Variants in TANC1 observed in about 807,000 individuals in gnomAD.
TANC1 encodes the protein protein TANC1.
TANC1 carries 77 observed loss-of-function variants against 149.7 expected under a neutral mutation model. That is an observed-to-expected ratio of 0.51 (90% CI 0.43 to 0.62). The LOEUF (loss-of-function observed/expected upper bound fraction) is 0.62. Among genes scored for constraint, TANC1 ranks in the 20% least tolerant of loss-of-function variants. The pLI is 0.00. For synonymous variants in TANC1, 854 were observed against 925.0 expected (o/e 0.92, Z 1.39); for missense variants, 1,985 against 2,321.8 (o/e 0.85, Z 2.98).
chr2:159,076,846 CG>C (rs1013767788), intron 3 of TANC1, among the ~76,000 whole-genome samples: 1 of 152,082 alleles, frequency 6.6e-6, no homozygotes, highest in Admixed American at 6.6e-5. Context: ...ACTATGTCTC[CG>C]GCTGTCTTCC....
chr2:159,219,505 A>C (rs2059554491), intron 21 of TANC1, 144 bp downstream of exon 21: 1 of 1,314,112 alleles, frequency 7.6e-7, no homozygotes, highest in Non-Finnish European at 1.1e-6. Context: ...TAGGCAACAC[A>C]GCCACATGCC....
At chr2:159,062,536 T>C (rs2042305865) in intron 2 of TANC1, among the ~76,000 whole-genome samples, 1 of 152,226 alleles carries the variant, frequency 6.6e-6, no homozygotes, top group South Asian at 2.1e-4. Context: ...GAGGAGAGCC[T>C]GCTGGCTGCC....
intron 2 of TANC1, among the ~76,000 whole-genome samples, chr2:159,036,645 T>C (rs1259344689): frequency 6.6e-6 from 1 of 152,176 alleles, no homozygotes; most frequent in African/African-American, 2.4e-5. Context: ...TTGCTGAGAA[T>C]GATAGTTTCC....
chr2:159,230,962 C>A lies in TANC1; in HGVS notation c.5536C>A (p.His1846Asn), dbSNP rs775925862. 6.2e-7 allele frequency: 1 copy of A among 1,614,042 alleles called. No homozygotes were observed. The highest frequency in any genetic ancestry group is 1.1e-5 in the South Asian group (1 of 91,078). The change falls in exon 27 of 27, where the codon CAC becomes AAC. Residue 1846 changes from histidine to asparagine, a missense_variant. His to Asn is a moderately conservative substitution (Grantham distance 68). This residue lies in a region of TANC1 where 920 missense variants were observed against 994.7 expected (regional missense o/e 0.92). Transcript: ENST00000263635. This position sits in a 1 kb window ranked among gnomAD's most constrained non-coding sequence, Gnocchi z 4.4. The part of the protein sequence containing the change: ...PHISNEAHRS[H>N]LTAAKPKRSF... ...TATTAGTAATGAAGCCCACAGGAGCCACCTCACTGCAGCCAAACCAAAGCG... is the reference window on the plus strand; with the variant it reads ...TATTAGTAATGAAGCCCACAGGAGCAACCTCACTGCAGCCAAACCAAAGCG...
chr2:159,219,366 C>G lies in TANC1; in HGVS notation c.3502+5C>G, dbSNP rs1256822841. 2 of 1,592,970 alleles carry G rather than the reference C, an allele frequency of 1.3e-6. No homozygotes were observed. The highest frequency in any genetic ancestry group is 8.6e-7 in the Non-Finnish European group (1 of 1,165,196). On this transcript the variant is annotated splice_donor_5th_base_variant and intron_variant, in intron 21 of 26. Transcript: ENST00000263635. ...TGGAATTCCTCCTTTCAAAAGGTAGCAGCGTGATGCCCTCAAAGGTTTCTT... is the reference window on the plus strand; with the variant it reads ...TGGAATTCCTCCTTTCAAAAGGTAGGAGCGTGATGCCCTCAAAGGTTTCTT...
intron 25 of TANC1, 94 bp downstream of exon 25, chr2:159,228,059 C>T (rs2060124272): frequency 4.4e-6 from 6 of 1,369,138 alleles, no homozygotes; most frequent in Non-Finnish European, 6.0e-6. Context: ...AGATCCTGGG[C>T]CCTCCTGTCC....
chr2:159,096,187 A>G (rs1234314841), intron 3 of TANC1, among the ~76,000 whole-genome samples: 2 of 152,160 alleles, frequency 1.3e-5, no homozygotes, highest in Non-Finnish European at 2.9e-5. Context: ...CTTTCCCTGC[A>G]CATCCTCAGT....
chr2:158,995,554 G>T (rs548596001), intron 1 of TANC1, among the ~76,000 whole-genome samples: 1 of 152,158 alleles, frequency 6.6e-6, no homozygotes, highest in East Asian at 1.9e-4. Flanking sequence ...TCAAACTGAG[G>T]CTCCCCATGG....
intron 3 of TANC1, among the ~76,000 whole-genome samples, chr2:159,068,549 A>T (rs2042867022): frequency 6.6e-6 from 1 of 152,206 alleles, no homozygotes; most frequent in Non-Finnish European, 1.5e-5. Flanking sequence ...GCAGTAACTG[A>T]GATAAACTTA....
intron 2 of TANC1, among the ~76,000 whole-genome samples, chr2:159,032,005 A>C (rs2149482029): frequency 6.6e-6 from 1 of 152,318 alleles, no homozygotes; most frequent in African/African-American, 2.4e-5. Flanking sequence ...CTGTTTAAAA[A>C]CACTCTCATT....
At chr2:159,115,872 C>A (rs538916315) in intron 4 of TANC1, among the ~76,000 whole-genome samples, 4 of 152,098 alleles carry the variant, frequency 2.6e-5, no homozygotes, top group African/African-American at 9.7e-5. Context: ...TTTCAGCCCT[C>A]GTTGGTCCTG....
At chr2:159,194,064 G>A (rs2057670920) in intron 16 of TANC1, among the ~76,000 whole-genome samples, 193 bp from the exon 17 acceptor site, 2 of 152,122 alleles carry the variant, frequency 1.3e-5, no homozygotes, top group Admixed American at 1.3e-4. Flanking sequence ...CTGTTTCCCA[G>A]TAAGCTACAC....
chr2:159,091,080 C>A (rs1246173577), intron 3 of TANC1, among the ~76,000 whole-genome samples: 1 of 151,906 alleles, frequency 6.6e-6, no homozygotes, highest in Non-Finnish European at 1.5e-5. Flanking sequence ...TGTGCGTAGA[C>A]CTACATATAC....
intron 4 of TANC1, among the ~76,000 whole-genome samples, chr2:159,116,330 A>T (rs1322345278): frequency 6.6e-6 from 1 of 151,954 alleles, no homozygotes; most frequent in Non-Finnish European, 1.5e-5. Context: ...AGGAGGCTGA[A>T]GCAGGAGAAT....
chr2:159,196,600 G>C lies in TANC1; in HGVS notation c.2980-8G>C, dbSNP rs200868361. ...TCAGCTGTAACCTTCCCCTACTCCT[G>C]CCCCCAGGTGGACCACTTGGATAAG... On this transcript the variant is annotated splice_polypyrimidine_tract_variant and splice_region_variant and intron_variant, in intron 17 of 26. Coordinates refer to ENST00000263635, the MANE Select transcript of TANC1 (RefSeq NM_033394.3). 3.6e-5 allele frequency: 57 copies of C among 1,592,120 alleles called. No individual in the cohort carries two copies. Among genetic ancestry groups the C allele is most frequent in the Admixed American group, 1.6e-4 (9 of 57,094 alleles).
chr2:159,218,420 C>A (rs2059483234), intron 20 of TANC1, among the ~76,000 whole-genome samples: 1 of 152,202 alleles, frequency 6.6e-6, no homozygotes, highest in African/African-American at 2.4e-5. Context: ...TCACCTTGAT[C>A]ATCTGGCTAA....
chr2:159,136,002 T>TGTGTGTGTGTGTG (rs2050630309), intron 4 of TANC1, among the ~76,000 whole-genome samples, 192 bp from the exon 5 acceptor site: 2 of 107,774 alleles, frequency 1.9e-5, no homozygotes, highest in Non-Finnish European at 4.3e-5. Flanking sequence ...TACTGAAATT[T>TGTGTGTGTGTGTG]TGTGTGTGTG....
At chr2:159,189,035 G>T (rs759033) in intron 16 of TANC1, among the ~76,000 whole-genome samples, 134,076 of 152,312 alleles carry the variant, frequency 0.88, 59,304 homozygotes, top group African/African-American at 0.97. Context: ...CGCTCAGCTC[G>T]GCCTTACTCC....
At chr2:159,195,525 GTAGAGA>G (rs2057778588) in intron 17 of TANC1, among the ~76,000 whole-genome samples, 1 of 152,158 alleles carries the variant, frequency 6.6e-6, no homozygotes. Context: ...TTGAATAACA[GTAGAGA>G]TAAACTGCTA....
Sources: allele counts gnomAD v4.1 joint callset (sites outside exome capture counted in the v4.1 genomes callset), GRCh38; gene constraint gnomAD v4.1.1; regional missense constraint gnomAD v4.1.1; non-coding constraint Gnocchi (gnomAD v3.1); transcripts MANE v1.5; gene names NCBI Gene and HGNC (gene_info 2026-07-23, HGNC 2026-07-21).